The following GRID2 variants were observed in gnomAD, a reference collection of about 807,000 sequenced individuals.
The protein encoded by GRID2 is glutamate receptor ionotropic, delta-2.
In GRID2, 33 loss-of-function variants were observed where a neutral mutation model predicts 114.8. The ratio of observed to expected loss-of-function variants is 0.29; its 90% CI spans 0.22 to 0.38. The LOEUF (loss-of-function observed/expected upper bound fraction) is 0.38. GRID2 is among the 10% of genes least tolerant of loss of function. The pLI is 1.00. For synonymous variants in GRID2, 505 were observed against 449.9 expected (o/e 1.12, Z -1.55); for missense variants, 1,184 against 1,257.7 (o/e 0.94, Z 0.89).
chr4:92,539,955 C>A (rs190957850), intron 1 of GRID2, among the ~76,000 whole-genome samples: 1 of 152,098 alleles, frequency 6.6e-6, no homozygotes, highest in Admixed American at 6.6e-5. Flanking sequence ...GAGGTATAGA[C>A]CAATGGAACA....
chr4:93,496,381 C>T (rs1727548136), intron 12 of GRID2, among the ~76,000 whole-genome samples: 1 of 151,722 alleles, frequency 6.6e-6, no homozygotes, highest in Non-Finnish European at 1.5e-5. Flanking sequence ...AAAATTAAAA[C>T]CAGGAAATTG....
chr4:92,806,168 C>T (rs1331252042), intron 2 of GRID2, among the ~76,000 whole-genome samples: 5 of 83,812 alleles, frequency 6.0e-5, no homozygotes, highest in Admixed American at 3.5e-4. Context: ...AGGCTATCGA[C>T]ACACACACAC....
intron 2 of GRID2, among the ~76,000 whole-genome samples, chr4:92,913,995 GT>G (rs1480829684): frequency 2.0e-5 from 3 of 152,064 alleles, no homozygotes; most frequent in African/African-American, 7.2e-5. Flanking sequence ...TTTGAACAGT[GT>G]TTGAAAAGCA....
chr4:92,727,997 A>C (rs1375984229), intron 2 of GRID2, among the ~76,000 whole-genome samples: 1 of 152,090 alleles, frequency 6.6e-6, no homozygotes, highest in Non-Finnish European at 1.5e-5. Context: ...AATTTAGAAC[A>C]TGTTCAAGAA....
chr4:92,680,588 T>G (rs1733604355), intron 2 of GRID2, among the ~76,000 whole-genome samples: 1 of 152,168 alleles, frequency 6.6e-6, no homozygotes, highest in Non-Finnish European at 1.5e-5. Flanking sequence ...TTGAACAGTT[T>G]GATAAAGGCA....
chr4:92,770,648 T>G (rs552460226), intron 2 of GRID2, among the ~76,000 whole-genome samples: 1 of 152,228 alleles, frequency 6.6e-6, no homozygotes, highest in Admixed American at 6.5e-5. Flanking sequence ...CTTACATGAA[T>G]GGTGGCAGGC....
intron 1 of GRID2, among the ~76,000 whole-genome samples, chr4:92,370,564 T>C (rs1416191660): frequency 6.6e-6 from 1 of 152,030 alleles, no homozygotes; most frequent in African/African-American, 2.4e-5. Context: ...GGCAGAAGAA[T>C]TGCTTGTGAG....
chr4:92,573,243 A>G (rs1156923818), intron 1 of GRID2, among the ~76,000 whole-genome samples: 1 of 150,328 alleles, frequency 6.7e-6, no homozygotes, highest in Non-Finnish European at 1.5e-5. Context: ...TGAGGAGTCT[A>G]TTTTATTTTT....
chr4:93,467,223 C>G (rs1224642419), intron 11 of GRID2, among the ~76,000 whole-genome samples: 1 of 151,952 alleles, frequency 6.6e-6, no homozygotes, highest in Non-Finnish European at 1.5e-5. Flanking sequence ...TTTAAACCAT[C>G]TTTGACATTA....
At chr4:92,985,989 C>T (rs747384860) in intron 2 of GRID2, among the ~76,000 whole-genome samples, 28 of 152,120 alleles carry the variant, frequency 1.8e-4, no homozygotes, top group Non-Finnish European at 3.7e-4. Context: ...ATGCATATAA[C>T]TTATGAGCAG....
chr4:93,316,076 A>T lies in GRID2; in HGVS notation c.1245+77586A>T, dbSNP rs577843206. On this transcript the variant is annotated intron_variant, in intron 8 of 15. Transcript: ENST00000282020. ...AGGCATACCTGGGTGATTCCAGGGC[A>T]CATCCAAAAGGAAGGAGAGAGGGCT... Among the ~76,000 whole-genome samples, 6 of 152,164 alleles carry T rather than the reference A, an allele frequency of 3.9e-5. No individual in the cohort carries two copies. The East Asian group carries it at 1.2e-3, about 29-fold the overall frequency.
intron 14 of GRID2, among the ~76,000 whole-genome samples, chr4:93,677,267 G>A (rs1724981750): frequency 6.6e-6 from 1 of 152,226 alleles, no homozygotes; most frequent in African/African-American, 2.4e-5. Flanking sequence ...GGTAAACAAA[G>A]CAGCTGGGAA....
rs148004001 is a variant in GRID2 at position 92,982,385 on chromosome 4, T to C, written c.245-102610T>C. 3.2e-3 allele frequency among the ~76,000 whole-genome samples: 493 copies of C among 152,226 alleles called. 1 individual carries two copies. The highest frequency in any genetic ancestry group is 0.01 in the African/African-American group (421 of 41,564). On this transcript the variant is annotated intron_variant, in intron 2 of 15. Transcript: ENST00000282020. ...TTTAAAAAGTTGAGGTACGTTCAGA[T>C]TAATTTATGAAAATGTCATTTTAGC...
chr4:93,122,343 T>A (rs1053639324), intron 4 of GRID2, among the ~76,000 whole-genome samples: 1 of 152,176 alleles, frequency 6.6e-6, no homozygotes, highest in African/African-American at 2.4e-5. Flanking sequence ...TCAGTGTGTC[T>A]AAATGGAAAG....
intron 3 of GRID2, among the ~76,000 whole-genome samples, chr4:93,108,057 C>T (rs963384291): frequency 6.6e-6 from 1 of 152,140 alleles, no homozygotes; most frequent in Non-Finnish European, 1.5e-5. Flanking sequence ...TCCACAGGCT[C>T]TTTAATGTCC....
intron 2 of GRID2, among the ~76,000 whole-genome samples, chr4:93,016,875 AT>A (rs2149239996): frequency 6.6e-6 from 1 of 152,254 alleles, no homozygotes; most frequent in South Asian, 2.1e-4. Flanking sequence ...TAGGTTTGAA[AT>A]TTTGTCTATT....
At chr4:93,271,823 TAA>T (rs1191067912) in intron 8 of GRID2, among the ~76,000 whole-genome samples, 2 of 152,154 alleles carry the variant, frequency 1.3e-5, no homozygotes, top group Non-Finnish European at 2.9e-5. Context: ...TTAACAAAGC[TAA>T]AAGTCAAGAA....
chr4:93,804,640 T>C (rs143056918), intron 1 of GRID2, among the ~76,000 whole-genome samples: 1,857 of 152,316 alleles, frequency 0.012, 23 homozygotes, highest in Middle Eastern at 0.031. Flanking sequence ...CTCTGTAACA[T>C]TCTGTTCTTG....
Position 93,258,990 on chromosome 4 carries a change from A to G in GRID2, c.1245+20500A>G, listed in dbSNP as rs974429743. On this transcript the variant is annotated intron_variant, in intron 8 of 15. Transcript: ENST00000282020. ...TGATGTGCTGACTAGAGTACCACTG[A>G]GGCAGCGAAGTCAGGAAAATGAGTC... 27 of 431,392 alleles carry G rather than the reference A, an allele frequency of 6.3e-5. No individual in the cohort carries two copies. The Middle Eastern group carries it at 1.4e-3, about 22-fold the overall frequency. The allele number at this position is 431,392 out of a possible 1,614,324, so 26.7% of individuals were successfully genotyped here.
Sources: allele counts gnomAD v4.1 joint callset (sites outside exome capture counted in the v4.1 genomes callset), GRCh38; gene constraint gnomAD v4.1.1; transcripts MANE v1.5; gene names NCBI Gene and HGNC (gene_info 2026-07-23, HGNC 2026-07-21).